The following SHANK2 variants were observed in gnomAD, a reference collection of about 807,000 sequenced individuals.
SHANK2 encodes SH3 and multiple ankyrin repeat domains protein 2.
A neutral mutation model predicts 133.7 loss-of-function variants in SHANK2; 43 were observed. That is an observed-to-expected ratio of 0.32 (90% CI 0.25 to 0.41). SHANK2 has a LOEUF of 0.41. SHANK2 is among the 10% of genes least tolerant of loss of function. The pLI, the probability that SHANK2 is intolerant of heterozygous loss-of-function variation, is 1.00. For missense variants in SHANK2, 1,994 were observed against 2,235.8 expected, an observed-to-expected ratio of 0.89 and a Z score of 2.18; for synonymous variants, 1,017 against 952.8, an observed-to-expected ratio of 1.07 and a Z score of -1.24.
At chr11:70,580,657 G>A (rs1356319192) in intron 17 of SHANK2, among the ~76,000 whole-genome samples, 1 of 152,238 alleles carries the variant, frequency 6.6e-6, no homozygotes, top group Non-Finnish European at 1.5e-5. Context: ...CACTGGCTCA[G>A]CGGTTACAGG....
At chr11:71,200,348 T>TTTA (rs1555116883) in intron 2 of SHANK2, among the ~76,000 whole-genome samples, 1 of 152,232 alleles carries the variant, frequency 6.6e-6, no homozygotes, top group Non-Finnish European at 1.5e-5. Context: ...CACCACACTG[T>TTTA]TTATTTATTA....
intron 14 of SHANK2, among the ~76,000 whole-genome samples, chr11:70,745,451 C>T (rs557738245): frequency 8.5e-5 from 13 of 152,316 alleles, no homozygotes; most frequent in East Asian, 1.9e-4. Context: ...AACAAACCTC[C>T]GGGCCTCCGT....
In SHANK2 at chr11:70,929,266, C is replaced by T. The variant is rs142384331; in HGVS notation, c.1108-32699G>A. Among the ~76,000 whole-genome samples the T allele has an allele frequency of 1.1e-4, 16 of 152,356 alleles. No homozygotes were observed. In the East Asian group the frequency reaches 2.3e-3, roughly 22 times the overall value. Reference sequence around the variant, plus strand: ...ATGTGGCTCTGCCCCGAGGCACTTACTACTCAACCTCGGTCTGGGCAATTT... The same window carrying T: ...ATGTGGCTCTGCCCCGAGGCACTTATTACTCAACCTCGGTCTGGGCAATTT... On this transcript the variant is annotated intron_variant, in intron 10 of 25. Transcript: ENST00000601538.
Position 70,659,809 on chromosome 11 carries a change from C to T in SHANK2, c.2061+19G>A, listed in dbSNP as rs55873054. 5,092 of 1,614,080 alleles carry T rather than the reference C, an allele frequency of 3.2e-3. 12 individuals are homozygous for T. Among genetic ancestry groups the T allele is most frequent in the Non-Finnish European group, 4.0e-3 (4,678 of 1,179,998 alleles). The stretch of plus-strand genomic sequence containing the variant: ...GGCGCTCTCCCCAAGCAGAAAGATA[C>T]AGACACCTGTGTCCCTACCTCAATC... On this transcript the variant is annotated intron_variant, in intron 17 of 25. Transcript: ENST00000601538.
At chr11:70,914,061 C>T (rs142047204) in intron 10 of SHANK2, among the ~76,000 whole-genome samples, 12 of 152,218 alleles carry the variant, frequency 7.9e-5, no homozygotes, top group African/African-American at 1.4e-4. Context: ...AACAGGGCGG[C>T]GGTGGGGGAT....
At position 70,823,319 on chromosome 11, in the gene SHANK2, CAG is replaced by C. The variant is rs538563170; in HGVS notation, c.1175-2639_1175-2638del. Among the ~76,000 whole-genome samples the C allele has an allele frequency of 3.8e-5, 5 of 130,692 alleles. No homozygotes were observed. In the South Asian group the frequency reaches 1.3e-3, roughly 35 times the overall value. The allele number at this position is 130,692 out of a possible 152,430, so 85.7% of individuals were successfully genotyped here. On this transcript the variant is annotated intron_variant, in intron 11 of 25. Transcript: ENST00000601538. ...TCATGGGGGACAGAGGTGGCGGTGG[CAG>C]AGTTAATGGGGGACAGAGGTGGTGT... is the stretch of plus-strand genomic sequence containing the variant.
At chr11:70,808,429 T>C (rs1948208846) in intron 12 of SHANK2, among the ~76,000 whole-genome samples, 2 of 151,980 alleles carry the variant, frequency 1.3e-5, no homozygotes, top group Admixed American at 1.3e-4. Context: ...CTCAAAGTTC[T>C]GGCCTCAAAT....
At position 71,188,243 on chromosome 11, in the gene SHANK2, T is replaced by C. The variant is rs1555114803; in HGVS notation, c.-13+36454A>G. On this transcript the variant is annotated intron_variant, in intron 2 of 25. Transcript: ENST00000601538. This position sits in a 1 kb window ranked among gnomAD's most constrained non-coding sequence, Gnocchi z 4.6. ...GAGACCTCCCCTTAGTATCCCCTGC[T>C]GGTGTCACTCTGGTCATGGACCACT... is the stretch of plus-strand genomic sequence containing the variant. Among the ~76,000 whole-genome samples the C allele has an allele frequency of 2.0e-5, 3 of 152,154 alleles. No homozygotes were observed. Among genetic ancestry groups the C allele is most frequent in the African/African-American group, 7.2e-5 (3 of 41,430 alleles).
intron 10 of SHANK2, among the ~76,000 whole-genome samples, chr11:70,904,238 G>C (rs1555077440): frequency 6.6e-6 from 1 of 152,214 alleles, no homozygotes; most frequent in East Asian, 1.9e-4. Flanking sequence ...CCAAAGGACA[G>C]TGCTCGGTGC....
intron 3 of SHANK2, among the ~76,000 whole-genome samples, chr11:71,137,374 A>G (rs1490703112): frequency 6.6e-6 from 1 of 150,412 alleles, no homozygotes; most frequent in African/African-American, 2.4e-5. Context: ...GGAGGTTCCT[A>G]GAGAAAGTTA....
chr11:70,863,473 A>G (rs1555068315), intron 11 of SHANK2: 1 of 457,916 alleles, frequency 2.2e-6, no homozygotes, highest in South Asian at 1.5e-5. Flanking sequence ...GGTGGAAGAC[A>G]CGGATTCTGT....
At chr11:70,847,764 G>T (rs1555063988) in intron 11 of SHANK2, among the ~76,000 whole-genome samples, 2 of 152,204 alleles carry the variant, frequency 1.3e-5, no homozygotes, top group African/African-American at 4.8e-5. Flanking sequence ...GGCTTTGCCT[G>T]GGGTGCCCCC....
In SHANK2 at chr11:71,110,050, C is replaced by T. The variant is rs1308447406; in HGVS notation, c.484-1G>A. On this transcript the variant is annotated splice_acceptor_variant, in intron 5 of 25. Transcript: ENST00000601538. LOFTEE classifies it high-confidence loss of function. Reference sequence around the variant, plus strand: ...GATCCATGCATTTCTTCAGATTGGTCTAGAAGGAAAAACAATACAATTGAA... The same window carrying T: ...GATCCATGCATTTCTTCAGATTGGTTTAGAAGGAAAAACAATACAATTGAA... 3 of 1,544,660 alleles carry T rather than the reference C, an allele frequency of 1.9e-6. No individual in the cohort carries two copies. Among genetic ancestry groups the T allele is most frequent in the African/African-American group, 2.7e-5 (2 of 72,878 alleles).
intron 9 of SHANK2, among the ~76,000 whole-genome samples, chr11:71,065,882 G>GA (rs1951048995): frequency 3.0e-5 from 4 of 131,300 alleles, no homozygotes; most frequent in East Asian, 2.5e-4. Flanking sequence ...GGGAAGTTGG[G>GA]GGGGATACAG....
chr11:70,834,943 G>A (rs953406664), intron 11 of SHANK2, among the ~76,000 whole-genome samples: 2 of 152,092 alleles, frequency 1.3e-5, no homozygotes, highest in Non-Finnish European at 2.9e-5. Flanking sequence ...ACTACTCACC[G>A]GTTTTCTGAC....
chr11:70,568,421 A>G (rs1403752621), intron 17 of SHANK2, among the ~76,000 whole-genome samples: 1 of 152,144 alleles, frequency 6.6e-6, no homozygotes, highest in Admixed American at 6.5e-5. Flanking sequence ...TCTGTTTAAT[A>G]ACCTCGGAAA....
At chr11:71,137,483 G>A (rs1952467917) in intron 3 of SHANK2, among the ~76,000 whole-genome samples, 3 of 152,092 alleles carry the variant, frequency 2.0e-5, no homozygotes, top group Non-Finnish European at 2.9e-5. Context: ...CCCCCCAAAG[G>A]AGGCTGCAGC....
chr11:70,508,407 A>C (rs1269822173), intron 17 of SHANK2, among the ~76,000 whole-genome samples: 1 of 152,216 alleles, frequency 6.6e-6, no homozygotes, highest in African/African-American at 2.4e-5. Context: ...CCCCTGCCCT[A>C]CTTTGCCTAC....
chr11:70,730,371 C>T (rs552776123), intron 14 of SHANK2, among the ~76,000 whole-genome samples: 2 of 152,254 alleles, frequency 1.3e-5, no homozygotes, highest in Admixed American at 6.5e-5. Flanking sequence ...CCCACTCACG[C>T]CCAATTGTCC....
Sources: gnomAD v4.1 joint callset for allele counts (sites outside exome capture counted in the v4.1 genomes callset) on GRCh38, gnomAD v4.1.1 for gene constraint, Gnocchi (gnomAD v3.1) non-coding constraint, MANE v1.5 for transcripts, NCBI Gene and HGNC (gene_info 2026-07-23, HGNC 2026-07-21) for gene names.